The following CDH18 variants were observed in gnomAD, a reference collection of about 807,000 sequenced individuals.
CDH18 encodes cadherin-18.
In CDH18, 31 loss-of-function variants were observed where a neutral mutation model predicts 67.9. The ratio of observed to expected loss-of-function variants is 0.46; its 90% confidence interval spans 0.34 to 0.62. The LOEUF (loss-of-function observed/expected upper bound fraction) is 0.62. Among genes scored for constraint, CDH18 ranks in the 20% least tolerant of loss-of-function variants. The pLI is 0.01. For missense variants in CDH18, 890 were observed against 975.5 expected (o/e 0.91, Z 1.17); for synonymous variants, 362 against 347.2 (o/e 1.04, Z -0.48).
intron 1 of CDH18, among the ~76,000 whole-genome samples, chr5:20,359,334 T>C (rs1741900322): frequency 6.6e-6 from 1 of 152,200 alleles, no homozygotes. Flanking sequence ...TAAGAGTTGT[T>C]GCTAATAATG....
intron 1 of CDH18, among the ~76,000 whole-genome samples, chr5:20,314,161 A>C (rs1580730886): frequency 6.6e-6 from 1 of 152,030 alleles, no homozygotes; most frequent in Non-Finnish European, 1.5e-5. Context: ...TATTGCCTAA[A>C]ATTATACTTA....
chr5:20,129,121 G>A (rs992381490), intron 2 of CDH18, among the ~76,000 whole-genome samples: 3 of 152,000 alleles, frequency 2.0e-5, no homozygotes, highest in African/African-American at 7.3e-5. Context: ...TGAAGTACCT[G>A]TTGATCAGCC....
At chr5:20,485,846 A>G (rs2126344523) in intron 1 of CDH18, among the ~76,000 whole-genome samples, 1 of 152,348 alleles carries the variant, frequency 6.6e-6, no homozygotes, top group Admixed American at 6.5e-5. Flanking sequence ...GCAATTTCAT[A>G]GCACATATAT....
chr5:20,494,710 C>A (rs1753807271), intron 1 of CDH18, among the ~76,000 whole-genome samples: 1 of 152,078 alleles, frequency 6.6e-6, no homozygotes, highest in Non-Finnish European at 1.5e-5. Flanking sequence ...CCAGATAACC[C>A]AGAGTCTCAT....
chr5:19,838,975 A>G lies in CDH18; in HGVS notation c.12T>C (p.Thr4=). 4 of 1,611,320 alleles carry G rather than the reference A, an allele frequency of 2.5e-6. No individual in the cohort carries two copies. The highest frequency in any genetic ancestry group is 3.4e-6 in the Non-Finnish European group (4 of 1,177,514). MKI[T]STSCICPVLV... The stretch of plus-strand genomic sequence containing the variant: ...GGACTGGACAGATGCAAGATGTGCT[A>G]GTAATTTTCATTGTAAGATAACTTT... Residue 4 remains threonine, a synonymous_variant, in exon 3 of 13, where the codon ACT becomes ACC. Coordinates refer to ENST00000382275, the MANE Select transcript of CDH18 (RefSeq NM_004934.5).
intron 1 of CDH18, among the ~76,000 whole-genome samples, chr5:20,388,852 A>G (rs184415676): frequency 1.3e-5 from 2 of 152,218 alleles, no homozygotes; most frequent in African/African-American, 4.8e-5. Flanking sequence ...CATGTATTTG[A>G]GCGGTTTTGA....
At chr5:19,652,521 G>GT (rs80124211) in intron 5 of CDH18, among the ~76,000 whole-genome samples, 6,911 of 151,920 alleles carry the variant, frequency 0.045, 331 homozygotes, top group East Asian at 0.26. Flanking sequence ...AGCAAAAAGA[G>GT]TTTTTTTTAA....
At chr5:19,590,565 T>G (rs1211456978) in intron 7 of CDH18, among the ~76,000 whole-genome samples, 1 of 151,970 alleles carries the variant, frequency 6.6e-6, no homozygotes, top group Non-Finnish European at 1.5e-5. Flanking sequence ...ACATCTACAG[T>G]AGGCACATTA....
intron 2 of CDH18, among the ~76,000 whole-genome samples, chr5:19,967,970 G>C (rs1295128157): frequency 6.6e-6 from 1 of 151,210 alleles, no homozygotes; most frequent in East Asian, 1.9e-4. Context: ...ATCTCCTTAA[G>C]CTGATAAGCA....
At chr5:19,966,544 A>ATCAG (rs1236063319) in intron 2 of CDH18, among the ~76,000 whole-genome samples, 1 of 152,136 alleles carries the variant, frequency 6.6e-6, no homozygotes, top group African/African-American at 2.4e-5. Context: ...AAATCACCAT[A>ATCAG]TCAGTCACAT....
chr5:20,008,177 A>G (rs1472958001), intron 2 of CDH18, among the ~76,000 whole-genome samples: 1 of 151,970 alleles, frequency 6.6e-6, no homozygotes, highest in Non-Finnish European at 1.5e-5. Context: ...GTGTGATGGC[A>G]ATGCACAGTT....
intron 11 of CDH18, among the ~76,000 whole-genome samples, chr5:19,497,405 C>G (rs1335052694): frequency 6.6e-6 from 1 of 152,102 alleles, no homozygotes; most frequent in African/African-American, 2.4e-5. Context: ...GTATTTCCAC[C>G]AATATATTCC....
At chr5:19,948,229 G>C (rs192389669) in intron 2 of CDH18, among the ~76,000 whole-genome samples, 2 of 152,134 alleles carry the variant, frequency 1.3e-5, no homozygotes, top group East Asian at 3.9e-4. Flanking sequence ...CTTATAAATA[G>C]ACTTATCGCA....
intron 2 of CDH18, among the ~76,000 whole-genome samples, chr5:19,916,366 C>A (rs766851459): frequency 3.9e-5 from 6 of 152,122 alleles, no homozygotes; most frequent in Non-Finnish European, 8.8e-5. Context: ...ACAGGGATTA[C>A]GCCCTCTTCT....
Position 19,925,283 on chromosome 5 carries a change from T to C in CDH18, c.-257+55777A>G, listed in dbSNP as rs142946247. 1.4e-4 allele frequency among the ~76,000 whole-genome samples: 21 copies of C among 152,260 alleles called. No individual in the cohort carries two copies. In the East Asian group the frequency reaches 2.5e-3, roughly 18 times the overall value. On this transcript the variant is annotated intron_variant, in intron 2 of 12. Coordinates refer to ENST00000382275, the MANE Select transcript of CDH18 (RefSeq NM_004934.5). ...AAGCAATTCATATAAGATTTTATTG[T>C]AATGTGAGTGCTTTGTTTCCGGAAG...
At position 19,544,072 on chromosome 5, in the gene CDH18, G is replaced by C. The variant is rs41270337; in HGVS notation, c.1254-67C>G. On this transcript the variant is annotated intron_variant, in intron 8 of 12. Coordinates refer to ENST00000382275, the MANE Select transcript of CDH18 (RefSeq NM_004934.5). Reference sequence around the variant, plus strand: ...AGAAAATACAACTGAACCAAGGAAAGTATTATATCTAAATACATTAAAATA... The same window carrying C: ...AGAAAATACAACTGAACCAAGGAAACTATTATATCTAAATACATTAAAATA... The C allele has an allele frequency of 6.5e-3, 4,566 of 705,338 alleles. 30 individuals are homozygous for C. The highest frequency in any genetic ancestry group is 0.018 in the Middle Eastern group (48 of 2,616). 43.7% of individuals were successfully genotyped at this position (705,338 alleles called of 1,614,324 possible). A position where few individuals can be genotyped will look rare whatever the true frequency, so the allele number is the denominator to read the frequency against.
chr5:20,263,128 G>A (rs1744785717), intron 1 of CDH18, among the ~76,000 whole-genome samples: 1 of 152,006 alleles, frequency 6.6e-6, no homozygotes, highest in African/African-American at 2.4e-5. Context: ...GTACCCTCGA[G>A]CATGCATTGT....
intron 2 of CDH18, among the ~76,000 whole-genome samples, chr5:19,890,294 G>A (rs1291800479): frequency 6.6e-6 from 1 of 151,866 alleles, no homozygotes; most frequent in Non-Finnish European, 1.5e-5. Flanking sequence ...CAACACTTGT[G>A]ATTACTTCGG....
At chr5:19,687,697 C>T (rs752296088) in intron 5 of CDH18, among the ~76,000 whole-genome samples, 8 of 152,148 alleles carry the variant, frequency 5.3e-5, no homozygotes, top group African/African-American at 7.2e-5. Context: ...CAGCCACTGC[C>T]GCCATCTCCA....
Sources: allele counts gnomAD v4.1 joint callset (sites outside exome capture counted in the v4.1 genomes callset), GRCh38; gene constraint gnomAD v4.1.1; transcripts MANE v1.5; gene names NCBI Gene and HGNC (gene_info 2026-07-23, HGNC 2026-07-21).